NSD2: variants seen among roughly 807,000 people sequenced by gnomAD.
NSD2 encodes histone-lysine N-methyltransferase NSD2.
NSD2 carries 12 observed loss-of-function variants against 139.0 expected under a neutral mutation model. The ratio of observed to expected loss-of-function variants is 0.09; its 90% CI spans 0.06 to 0.14. The LOEUF is 0.14. Among genes scored for constraint, NSD2 ranks in the 10% least tolerant of loss-of-function variants. The pLI, the probability that NSD2 is intolerant of heterozygous loss-of-function variation, is 1.00. For missense variants in NSD2, 1,155 were observed against 1,745.0 expected (o/e 0.66, Z 6.02); for synonymous variants, 669 against 648.7 (o/e 1.03, Z -0.48).
intron 21 of NSD2, among the ~76,000 whole-genome samples, chr4:1,978,289 G>A (rs1265093292): frequency 6.6e-6 from 1 of 152,172 alleles, no homozygotes; most frequent in African/African-American, 2.4e-5. Context: ...TTGAAAATCA[G>A]TCCCTTGGGA....
intron 18 of NSD2, among the ~76,000 whole-genome samples, chr4:1,963,338 G>T (rs1466133510): frequency 6.6e-6 from 1 of 152,180 alleles, no homozygotes; most frequent in South Asian, 2.1e-4. Context: ...TGGCCAACTG[G>T]AGTTGAGTAC....
chr4:1,872,170 G>A (rs1231635386), intron 1 of NSD2, among the ~76,000 whole-genome samples: 2 of 151,980 alleles, frequency 1.3e-5, no homozygotes, highest in Non-Finnish European at 1.5e-5. Flanking sequence ...AAGCCGGGCC[G>A]CGGTCCGGCC....
rs985199749 is a variant in NSD2, at chr4:1,961,049, C to T, written c.3270C>T (p.Asn1090=). Residue 1090 remains asparagine, a synonymous_variant, in exon 18 of 22, where the codon AAC becomes AAT. Coordinates refer to ENST00000508803, the MANE Select transcript of NSD2 (RefSeq NM_001042424.3). ...GTGATTTCCAGGGAGAATTTGTTAA[C>T]GAGTACGTTGGGGAGCTGATCGACG... ...KRDIRKGEFV[N]EYVGELIDEE... 10 of 1,612,168 alleles carry T rather than the reference C, an allele frequency of 6.2e-6. No homozygotes were observed. Among genetic ancestry groups the T allele is most frequent in the East Asian group, 4.5e-5 (2 of 44,846 alleles).
intron 18 of NSD2, among the ~76,000 whole-genome samples, chr4:1,966,958 A>G (rs988299012): frequency 6.6e-6 from 1 of 152,194 alleles, no homozygotes; most frequent in Admixed American, 6.5e-5. Context: ...AGAATTGGAA[A>G]ACTGGAGAAA....
chr4:1,896,599 C>G (rs1459026380), intron 1 of NSD2, among the ~76,000 whole-genome samples: 1 of 152,184 alleles, frequency 6.6e-6, no homozygotes, highest in African/African-American at 2.4e-5. Flanking sequence ...CTGCTGGGTT[C>G]AAGCAATCCT....
Position 1,958,027 on chromosome 4 carries a change from G to A in NSD2, c.2976G>A (p.Lys992=). 6.2e-7 allele frequency: 1 copy of A among 1,613,964 alleles called. No homozygotes were observed. The highest frequency in any genetic ancestry group is 1.1e-5 in the South Asian group (1 of 91,062). Residue 992 remains lysine, a synonymous_variant, in exon 16 of 22, where the codon AAG becomes AAA. Transcript: ENST00000508803. The surrounding 1 kb of genome is among the most constrained non-coding windows in gnomAD (Gnocchi z 4.6). ...QESERKPPPY[K]HIKVNKPYGK... is the part of the protein sequence containing the mutation. ...GCGAGCGCAAGCCCCCACCATACAA[G>A]CACATCAAGGTGGCGTGTGGGAGCT... is the stretch of plus-strand genomic sequence containing the variant.
intron 1 of NSD2, among the ~76,000 whole-genome samples, chr4:1,898,103 T>C (rs1380665762): frequency 2.0e-5 from 3 of 152,098 alleles, no homozygotes; most frequent in Non-Finnish European, 4.4e-5. Flanking sequence ...TTTTCCCCCT[T>C]CTTTTTACAG....
Position 1,974,751 on chromosome 4 carries a change from CAGTACA to C in NSD2, c.3373-110_3373-105del, listed in dbSNP as rs1418936137. The C allele has an allele frequency of 6.7e-7, 1 of 1,481,808 alleles. No individual in the cohort carries two copies. Among genetic ancestry groups the C allele is most frequent in the East Asian group, 2.3e-5 (1 of 44,102 alleles). 91.8% of individuals were successfully genotyped at this position (1,481,808 alleles called of 1,614,324 possible). On this transcript the variant is annotated intron_variant, in intron 18 of 21. Transcript: ENST00000508803. The surrounding 1 kb of genome is among the most constrained non-coding windows in gnomAD (Gnocchi z 4.0). ...AGTGGACACAGGACACCACGGTTTT[CAGTACA>C]ACAAGGAACACAACTTGTTCAATGT...
chr4:1,975,232 C>A (rs1054627345), intron 19 of NSD2, 62 bp from the exon 20 acceptor site: 2 of 1,533,484 alleles, frequency 1.3e-6, no homozygotes, highest in East Asian at 2.2e-5. Context: ...AATACACGCC[C>A]CTTAGCTTTT....
At chr4:1,914,926 T>A (rs1345919358) in intron 3 of NSD2, among the ~76,000 whole-genome samples, 1 of 152,054 alleles carries the variant, frequency 6.6e-6, no homozygotes, top group Non-Finnish European at 1.5e-5. Context: ...AGTTGGAGAC[T>A]TGATTTTGGG....
chr4:1,898,390 T>C (rs543674605), intron 1 of NSD2, among the ~76,000 whole-genome samples: 72 of 152,246 alleles, frequency 4.7e-4, no homozygotes, highest in African/African-American at 1.2e-3. Context: ...CGTGGCCAGG[T>C]GCGGTGGCTC....
At chr4:1,947,652 TCTG>T (rs1208286874) in intron 9 of NSD2, 10 of 1,055,828 alleles carry the variant, frequency 9.5e-6, no homozygotes, top group East Asian at 5.3e-5. Flanking sequence ...ACTCATTTAA[TCTG>T]CTGAGCACAG....
In NSD2 at chr4:1,955,901, C is replaced by A; in HGVS notation, c.2675+52C>A. On this transcript the variant is annotated intron_variant, in intron 14 of 21. Coordinates refer to ENST00000508803, the MANE Select transcript of NSD2 (RefSeq NM_001042424.3). This position sits in a 1 kb window ranked among gnomAD's most constrained non-coding sequence, Gnocchi z 4.7. ...TATGTCTTTTCTGTTCACATGTGTT[C>A]GCTTTACAGTACTTAAAGTATTGAA... The A allele has an allele frequency of 6.2e-7, 1 of 1,609,370 alleles. No homozygotes were observed. The highest frequency in any genetic ancestry group is 1.1e-5 in the South Asian group (1 of 90,814).
At chr4:1,886,364 G>A (rs1715111071) in intron 1 of NSD2, among the ~76,000 whole-genome samples, 1 of 152,004 alleles carries the variant, frequency 6.6e-6, no homozygotes, top group African/African-American at 2.4e-5. Context: ...GCACCACTAT[G>A]CCCAGCTAAT....
intron 1 of NSD2, among the ~76,000 whole-genome samples, chr4:1,886,363 T>C (rs1715110886): frequency 6.6e-6 from 1 of 152,128 alleles, no homozygotes; most frequent in Non-Finnish European, 1.5e-5. Flanking sequence ...TGCACCACTA[T>C]GCCCAGCTAA....
intron 6 of NSD2, among the ~76,000 whole-genome samples, chr4:1,932,897 C>T (rs564429417): frequency 1.4e-4 from 21 of 152,302 alleles, no homozygotes; most frequent in South Asian, 6.2e-4. Context: ...TGTGGGAAAG[C>T]GAGGCGCGGG....
Position 1,974,638 on chromosome 4 carries a change from G to T in NSD2, c.3373-225G>T. On this transcript the variant is annotated intron_variant, in intron 18 of 21. Coordinates refer to ENST00000508803, the MANE Select transcript of NSD2 (RefSeq NM_001042424.3). The surrounding 1 kb of genome is among the most constrained non-coding windows in gnomAD (Gnocchi z 4.0). The stretch of plus-strand genomic sequence containing the variant: ...AGCTCCCTGTCCTGTCCTCCCCGGC[G>T]CTCACTAAGGCTCGGTCCTCTCCAC... 1.4e-6 allele frequency: 1 copy of T among 711,748 alleles called. No homozygotes were observed. The highest frequency in any genetic ancestry group is 2.6e-6 in the Non-Finnish European group (1 of 389,480). 44.1% of individuals were successfully genotyped at this position (711,748 alleles called of 1,614,324 possible).
chr4:1,903,981 A>G (rs1689247277), intron 2 of NSD2, among the ~76,000 whole-genome samples: 1 of 152,150 alleles, frequency 6.6e-6, no homozygotes, highest in African/African-American at 2.4e-5. Flanking sequence ...TGATCCGCCC[A>G]CGTTGGCCTC....
Position 1,974,104 on chromosome 4 carries a change from T to G in NSD2, c.3373-759T>G, listed in dbSNP as rs1433928322. ...GCCAACGCCACATCAGCGCCATGGG[T>G]GCAAAGTCAGAGCTCACTGTCACTC... On this transcript the variant is annotated intron_variant, in intron 18 of 21. Coordinates refer to ENST00000508803, the MANE Select transcript of NSD2 (RefSeq NM_001042424.3). This position sits in a 1 kb window ranked among gnomAD's most constrained non-coding sequence, Gnocchi z 4.0. 6.6e-6 allele frequency among the ~76,000 whole-genome samples: 1 copy of G among 152,122 alleles called. No individual in the cohort carries two copies. Among genetic ancestry groups the G allele is most frequent in the Non-Finnish European group, 1.5e-5 (1 of 68,026 alleles).
Sources: gnomAD v4.1 joint callset for allele counts (sites outside exome capture counted in the v4.1 genomes callset) on GRCh38, gnomAD v4.1.1 for gene constraint, Gnocchi (gnomAD v3.1) non-coding constraint, MANE v1.5 for transcripts, NCBI Gene and HGNC (gene_info 2026-07-23, HGNC 2026-07-21) for gene names.